Variants in KAT6A observed in about 807,000 individuals in gnomAD.
The protein encoded by KAT6A is lysine acetyltransferase 6A.
A neutral mutation model predicts 198.4 loss-of-function variants in KAT6A; 9 were observed. That is an observed-to-expected ratio of 0.05 (90% CI 0.03 to 0.08). The LOEUF (loss-of-function observed/expected upper bound fraction) is 0.08, where lower values mean the gene tolerates loss of function less well. Ranked by LOEUF, KAT6A falls within the 10% of genes least tolerant of loss-of-function variation. The probability of loss-of-function intolerance (pLI) is 1.00; values close to 1 mark genes in which losing one functional copy is unlikely to be tolerated. For synonymous variants in KAT6A, 890 were observed against 883.0 expected, an observed-to-expected ratio of 1.01 and a Z score of -0.14; for missense variants, 2,077 against 2,509.9, an observed-to-expected ratio of 0.83 and a Z score of 3.69.
intron 13 of KAT6A, 42 bp from the exon 14 acceptor site, chr8:41,943,042 G>A (rs760753269): frequency 6.2e-7 from 1 of 1,609,400 alleles, no homozygotes; most frequent in Non-Finnish European, 8.5e-7. Flanking sequence ...CAATGTACAA[G>A]GTGTACATAA....
intron 2 of KAT6A, among the ~76,000 whole-genome samples, chr8:42,031,217 GA>G (rs771211210): frequency 6.6e-4 from 100 of 152,194 alleles, no homozygotes; most frequent in Non-Finnish European, 1.1e-3. Context: ...TGTACTTTTT[GA>G]ATTTTACACA....
At chr8:42,015,210 A>G (rs890944111) in intron 2 of KAT6A, among the ~76,000 whole-genome samples, 1 of 152,216 alleles carries the variant, frequency 6.6e-6, no homozygotes, top group African/African-American at 2.4e-5. Flanking sequence ...TTCTGTGCTA[A>G]AAAGAATCCG....
At chr8:42,005,385 A>T (rs1221119381) in intron 2 of KAT6A, among the ~76,000 whole-genome samples, 2 of 152,236 alleles carry the variant, frequency 1.3e-5, no homozygotes, top group Non-Finnish European at 2.9e-5. Context: ...ACGAGTTTGA[A>T]GCCTGAGGAC....
chr8:42,006,915 G>C (rs900491282), intron 2 of KAT6A, among the ~76,000 whole-genome samples: 2 of 144,090 alleles, frequency 1.4e-5, no homozygotes, highest in Non-Finnish European at 3.0e-5. Context: ...AGAATCACTT[G>C]AACCCGGGAG....
chr8:42,030,838 A>T (rs1472907222), intron 2 of KAT6A, among the ~76,000 whole-genome samples: 1 of 152,062 alleles, frequency 6.6e-6, no homozygotes, highest in Admixed American at 6.6e-5. Flanking sequence ...TCAGTCTCAC[A>T]AAGTGCTGGA....
chr8:41,943,846 C>T lies in KAT6A; in HGVS notation c.2130G>A (p.Gln710=). Residue 710 remains glutamine, a synonymous_variant, in exon 13 of 17, where the codon CAG becomes CAA. Coordinates refer to ENST00000265713, the MANE Select transcript of KAT6A (RefSeq NM_006766.5). Reference sequence around the variant, plus strand: ...ACTTGCTTAACTTCTTAATGCTGATCTGCTTGTCATTTTGGTGATAAAGGC... The same window carrying T: ...ACTTGCTTAACTTCTTAATGCTGATTTGCTTGTCATTTTGGTGATAAAGGC... ...LECLYHQNDK[Q]ISIKKLSKLT... is the part of the protein sequence containing the mutation. 1.2e-6 allele frequency: 2 copies of T among 1,613,932 alleles called. No individual in the cohort carries two copies. Among genetic ancestry groups the T allele is most frequent in the African/African-American group, 2.7e-5 (2 of 74,972 alleles).
At chr8:41,983,634 AGAAT>A (rs1315712067) in intron 3 of KAT6A, among the ~76,000 whole-genome samples, 1 of 152,122 alleles carries the variant, frequency 6.6e-6, no homozygotes, top group Non-Finnish European at 1.5e-5. Flanking sequence ...TTAATCCCTT[AGAAT>A]GAATTCCTGA....
chr8:41,989,491 A>G (rs1824804842), intron 2 of KAT6A, among the ~76,000 whole-genome samples: 1 of 152,122 alleles, frequency 6.6e-6, no homozygotes. Flanking sequence ...CCTGGGTGAC[A>G]AGAGCAAGAG....
intron 2 of KAT6A, among the ~76,000 whole-genome samples, chr8:42,042,543 A>G (rs1408168867): frequency 2.0e-5 from 3 of 152,220 alleles, no homozygotes; most frequent in Non-Finnish European, 4.4e-5. Context: ...AATTTAAAAT[A>G]TAAATTCCAA....
intron 3 of KAT6A, among the ~76,000 whole-genome samples, chr8:41,985,838 A>G (rs1824573955): frequency 6.6e-6 from 1 of 152,206 alleles, no homozygotes; most frequent in Non-Finnish European, 1.5e-5. Flanking sequence ...GAACTAAATC[A>G]TGGTTGTTAT....
chr8:42,020,169 T>C (rs1325913793), intron 2 of KAT6A, among the ~76,000 whole-genome samples: 1 of 152,172 alleles, frequency 6.6e-6, no homozygotes, highest in African/African-American at 2.4e-5. Context: ...TACCACCTGG[T>C]TTTGTAAATA....
At chr8:41,964,285 A>C (rs1823348775) in intron 8 of KAT6A, among the ~76,000 whole-genome samples, 1 of 152,216 alleles carries the variant, frequency 6.6e-6, no homozygotes, top group South Asian at 2.1e-4. Flanking sequence ...TAAATGAAAC[A>C]AATTAATATA....
chr8:41,951,836 C>T (rs1435501853), intron 9 of KAT6A, among the ~76,000 whole-genome samples: 1 of 152,076 alleles, frequency 6.6e-6, no homozygotes, highest in Non-Finnish European at 1.5e-5. Context: ...AAAAATTATA[C>T]CAAATATTAC....
At chr8:42,038,091 G>C (rs900263062) in intron 2 of KAT6A, among the ~76,000 whole-genome samples, 1 of 152,178 alleles carries the variant, frequency 6.6e-6, no homozygotes, top group South Asian at 2.1e-4. Context: ...TTTGTACCTT[G>C]CTATCTCTAG....
chr8:42,051,754 T>C (rs990216943), intron 1 of KAT6A, 147 bp downstream of exon 1: 5 of 142,486 alleles, frequency 3.5e-5, no homozygotes, highest in African/African-American at 1.3e-4. Context: ...GCCCGAGGCC[T>C]GGCGCAGAGC....
rs182717485 is a variant in KAT6A, at chr8:41,962,751, C to T, written c.1483-7340G>A. On this transcript the variant is annotated intron_variant, in intron 8 of 16. Transcript: ENST00000265713. ...GCCAAGAAGACCCTACAAAAGCCAGCCTTCCATTACCCTTCTGTCCTTGTC... is the reference window on the plus strand; with the variant it reads ...GCCAAGAAGACCCTACAAAAGCCAGTCTTCCATTACCCTTCTGTCCTTGTC... 7.5e-4 allele frequency among the ~76,000 whole-genome samples: 114 copies of T among 152,304 alleles called. 1 individual carries two copies. Among genetic ancestry groups the T allele is most frequent in the African/African-American group, 2.6e-3 (108 of 41,564 alleles).
chr8:41,953,005 T>C (rs755896410), intron 9 of KAT6A, among the ~76,000 whole-genome samples: 9 of 152,186 alleles, frequency 5.9e-5, no homozygotes, highest in Non-Finnish European at 1.2e-4. Flanking sequence ...TTGATGAATT[T>C]TACAAGTTCC....
intron 8 of KAT6A, among the ~76,000 whole-genome samples, chr8:41,956,137 A>G (rs1351981320): frequency 2.0e-5 from 3 of 152,180 alleles, no homozygotes; most frequent in Non-Finnish European, 2.9e-5. Flanking sequence ...AGCCTTTATG[A>G]CTTCCCTGAC....
intron 2 of KAT6A, among the ~76,000 whole-genome samples, chr8:42,000,147 T>C (rs1185023377): frequency 2.6e-5 from 4 of 152,224 alleles, no homozygotes; most frequent in African/African-American, 4.8e-5. Context: ...TTTAAAGTCT[T>C]TGTACATACA....
Sources: allele counts gnomAD v4.1 joint callset (sites outside exome capture counted in the v4.1 genomes callset), GRCh38; gene constraint gnomAD v4.1.1; transcripts MANE v1.5; gene names NCBI Gene and HGNC (gene_info 2026-07-23, HGNC 2026-07-21).